DCAF8L2: variants seen among roughly 807,000 people sequenced by gnomAD.
DCAF8L2 encodes DDB1- and CUL4-associated factor 8-like protein 2.
For missense variants in DCAF8L2, 430 were observed against 490.7 expected, an observed-to-expected ratio of 0.88 and a Z score of 1.17; for synonymous variants, 200 against 190.9, an observed-to-expected ratio of 1.05 and a Z score of -0.39.
At chrX:27,489,035 T>A in the DCAF8L2 span, among the ~76,000 whole-genome samples, 2 of 111,797 alleles carry the variant, frequency 1.8e-5, no homozygotes, top group Non-Finnish European at 3.8e-5. Flanking sequence ...CTGGGACCAT[T>A]GTATTGCCAT....
chrX:27,660,377 T>G (rs772368385), intron 2 of DCAF8L2, among the ~76,000 whole-genome samples: 12 of 111,129 alleles, frequency 1.1e-4, no homozygotes, highest in Non-Finnish European at 2.1e-4. Flanking sequence ...CTTCTAATTT[T>G]ATTGAGTAGC....
chrX:27,698,612 T>C (rs1359370518), intron 3 of DCAF8L2, among the ~76,000 whole-genome samples: 3 of 112,349 alleles, frequency 2.7e-5, no homozygotes, highest in African/African-American at 9.7e-5. Flanking sequence ...GGACTAATCA[T>C]AGACTATCTA....
At chrX:27,522,551 ACTT>A in the DCAF8L2 span, among the ~76,000 whole-genome samples, 154 of 111,839 alleles carry the variant, frequency 1.4e-3, no homozygotes, top group Non-Finnish European at 2.4e-3. Context: ...AAATTCTAGA[ACTT>A]CTTCATTTTA....
the DCAF8L2 span, among the ~76,000 whole-genome samples, chrX:27,491,931 T>C: frequency 8.9e-6 from 1 of 112,355 alleles, no homozygotes; most frequent in East Asian, 2.8e-4. Flanking sequence ...ACAATTTACA[T>C]AGCAAAAAAT....
chrX:27,748,125 A>G lies in DCAF8L2; in HGVS notation c.1230A>G (p.Lys410=), dbSNP rs61730883. The change falls in exon 5 of 5, where the codon AAA becomes AAG. Residue 410 remains lysine, a synonymous_variant. Coordinates refer to ENST00000451261, the MANE Select transcript of DCAF8L2 (RefSeq NM_001353450.2). The part of the protein sequence containing the change: ...DKKENNGVLK[K]FTPHHLVNCD... ...AAGAAAACAATGGCGTGCTCAAGAA[A>G]TTCACTCCTCATCATCTGGTTAATT... 115 of 1,210,305 alleles carry G rather than the reference A, an allele frequency of 9.5e-5. No homozygotes were observed. The African/African-American group carries it at 1.7e-3, about 17-fold the overall frequency.
chrX:27,515,760 A>G, the DCAF8L2 span, among the ~76,000 whole-genome samples: 1 of 111,939 alleles, frequency 8.9e-6, no homozygotes, highest in Admixed American at 9.5e-5. Context: ...TTTATGTATT[A>G]TGGCAATTGC....
the DCAF8L2 span, among the ~76,000 whole-genome samples, chrX:27,489,713 A>T: frequency 1.8e-5 from 2 of 111,514 alleles, no homozygotes; most frequent in African/African-American, 3.3e-5. Flanking sequence ...CATTATTTGA[A>T]ATTGCCAAAC....
chrX:27,630,254 T>A (rs1244891640), intron 1 of DCAF8L2, among the ~76,000 whole-genome samples: 2 of 111,817 alleles, frequency 1.8e-5, no homozygotes, highest in Non-Finnish European at 3.8e-5. Context: ...AGAAATAATT[T>A]TACTTCTTTA....
chrX:27,724,311 A>G (rs1002665643), intron 4 of DCAF8L2, among the ~76,000 whole-genome samples: 1 of 111,225 alleles, frequency 9.0e-6, no homozygotes, highest in Non-Finnish European at 1.9e-5. Flanking sequence ...GAAGAAAAAT[A>G]AGATTTACTG....
At chrX:27,643,278 T>C (rs1442405525) in intron 2 of DCAF8L2, among the ~76,000 whole-genome samples, 1 of 112,292 alleles carries the variant, frequency 8.9e-6, no homozygotes, top group East Asian at 2.8e-4. Flanking sequence ...TCCTAACATG[T>C]GTAAGGTGAT....
intron 2 of DCAF8L2, among the ~76,000 whole-genome samples, chrX:27,645,300 A>G (rs1435687092): frequency 8.9e-6 from 1 of 111,968 alleles, no homozygotes; most frequent in African/African-American, 3.2e-5. Flanking sequence ...CATCACATAA[A>G]CAGAACTAAA....
At chrX:27,538,692 A>C in the DCAF8L2 span, among the ~76,000 whole-genome samples, 1 of 110,574 alleles carries the variant, frequency 9.0e-6, no homozygotes, top group Non-Finnish European at 1.9e-5. Context: ...TGCCCGGCCC[A>C]AAAATTTATT....
intron 4 of DCAF8L2, among the ~76,000 whole-genome samples, chrX:27,717,347 C>T (rs1488404326): frequency 8.9e-6 from 1 of 112,388 alleles, no homozygotes; most frequent in African/African-American, 3.2e-5. Context: ...TACATTCCCA[C>T]CAACAGTGTT....
At chrX:27,723,281 A>G (rs1272382965) in intron 4 of DCAF8L2, among the ~76,000 whole-genome samples, 2 of 110,909 alleles carry the variant, frequency 1.8e-5, no homozygotes, top group African/African-American at 3.3e-5. Flanking sequence ...TCAAAAGCAA[A>G]GTCAAAAGAC....
chrX:27,701,222 T>G (rs996840011), intron 3 of DCAF8L2, among the ~76,000 whole-genome samples: 3 of 110,981 alleles, frequency 2.7e-5, no homozygotes, highest in African/African-American at 9.8e-5. Flanking sequence ...AAAGAAACAA[T>G]GAATTAAAGT....
chrX:27,720,603 G>T (rs1931866811), intron 4 of DCAF8L2, among the ~76,000 whole-genome samples: 2 of 111,037 alleles, frequency 1.8e-5, no homozygotes, highest in Non-Finnish European at 3.8e-5. Context: ...TCGATCTCCT[G>T]ACCTCATGAC....
chrX:27,473,364 A>C, the DCAF8L2 span, among the ~76,000 whole-genome samples: 16 of 111,501 alleles, frequency 1.4e-4, no homozygotes, highest in African/African-American at 5.2e-4. Context: ...GGGTATGAAG[A>C]TGTAACAACT....
intron 1 of DCAF8L2, among the ~76,000 whole-genome samples, chrX:27,623,784 C>T (rs151324286): frequency 9.0e-6 from 1 of 111,471 alleles, no homozygotes; most frequent in South Asian, 3.8e-4. Context: ...GATTTAAACA[C>T]GTGTGAATGG....
At chrX:27,620,798 C>T (rs1927719996) in intron 1 of DCAF8L2, among the ~76,000 whole-genome samples, 2 of 111,483 alleles carry the variant, frequency 1.8e-5, no homozygotes, top group Non-Finnish European at 3.8e-5. Context: ...GATGTATGGT[C>T]CAGCAATTCC....
Sources: gnomAD v4.1 joint callset for allele counts (sites outside exome capture counted in the v4.1 genomes callset) on GRCh38, gnomAD v4.1.1 for gene constraint, MANE v1.5 for transcripts, NCBI Gene and HGNC (gene_info 2026-07-23, HGNC 2026-07-21) for gene names.